The following NPAT variants were observed in gnomAD, a reference collection of about 807,000 sequenced individuals.
The protein encoded by NPAT is protein NPAT.
Under a neutral mutation model 130.7 loss-of-function variants are expected in NPAT, and 52 were observed. That is an observed-to-expected ratio of 0.40 (90% CI 0.32 to 0.50). The LOEUF is 0.50. Among genes scored for constraint, NPAT ranks in the 20% least tolerant of loss-of-function variants. The probability of loss-of-function intolerance (pLI) is 0.68; values close to 1 mark genes in which losing one functional copy is unlikely to be tolerated. For synonymous variants in NPAT, 580 were observed against 584.8 expected, an observed-to-expected ratio of 0.99 and a Z score of 0.12; for missense variants, 1,687 against 1,662.6, an observed-to-expected ratio of 1.01 and a Z score of -0.26.
At chr11:108,177,321 TTTATTA>T (rs968970260) in intron 10 of NPAT, among the ~76,000 whole-genome samples, 2 of 151,760 alleles carry the variant, frequency 1.3e-5, no homozygotes, top group Non-Finnish European at 2.9e-5. Flanking sequence ...CCCAGCTTAT[TTTATTA>T]TTATTATTAT....
chr11:108,184,026 T>TA (rs2078081289), intron 10 of NPAT, among the ~76,000 whole-genome samples: 1 of 151,704 alleles, frequency 6.6e-6, no homozygotes. Flanking sequence ...TCTTAAAACA[T>TA]AGACTGTTAT....
chr11:108,206,543 G>A (rs1001352132), intron 1 of NPAT, among the ~76,000 whole-genome samples: 2 of 152,144 alleles, frequency 1.3e-5, no homozygotes, highest in East Asian at 1.9e-4. Flanking sequence ...ACTGGGGAAC[G>A]TAGTGGCACC....
intron 10 of NPAT, among the ~76,000 whole-genome samples, chr11:108,178,179 A>G (rs1288701680): frequency 6.6e-6 from 1 of 152,126 alleles, no homozygotes; most frequent in Non-Finnish European, 1.5e-5. Flanking sequence ...TTATCTATTC[A>G]GCTTTAAAAG....
intron 2 of NPAT, among the ~76,000 whole-genome samples, chr11:108,194,355 C>G (rs1425859494): frequency 6.6e-6 from 1 of 152,178 alleles, no homozygotes; most frequent in Non-Finnish European, 1.5e-5. Context: ...AAAATAACTA[C>G]AGTGTCATAC....
At chr11:108,219,107 CTA>C (rs1366074510) in intron 1 of NPAT, among the ~76,000 whole-genome samples, 3 of 152,140 alleles carry the variant, frequency 2.0e-5, no homozygotes, top group Non-Finnish European at 4.4e-5. Context: ...AAGCTTGACT[CTA>C]TATAGGCAAT....
chr11:108,205,773 T>C lies in NPAT; in HGVS notation c.38-8353A>G, dbSNP rs564332225. ...ATAAAGCAGTATAGGTTAGGTGCAGTGGCTCATGCCTGTAATCCCAGCACT... is the reference window on the plus strand; with the variant it reads ...ATAAAGCAGTATAGGTTAGGTGCAGCGGCTCATGCCTGTAATCCCAGCACT... On this transcript the variant is annotated intron_variant, in intron 1 of 17. Coordinates refer to ENST00000278612, the MANE Select transcript of NPAT (RefSeq NM_002519.3). Among the ~76,000 whole-genome samples the C allele has an allele frequency of 3.3e-5, 5 of 152,328 alleles. No homozygotes were observed. In the East Asian group the frequency reaches 5.8e-4, roughly 18 times the overall value.
intron 1 of NPAT, among the ~76,000 whole-genome samples, chr11:108,216,230 T>C (rs1460539534): frequency 6.6e-6 from 1 of 152,306 alleles, no homozygotes; most frequent in Non-Finnish European, 1.5e-5. Context: ...CCTAGATGCC[T>C]TCAGTCACTT....
chr11:108,194,052 T>A, intron 2 of NPAT, 35 bp from the exon 3 acceptor site: 2 of 1,063,632 alleles, frequency 1.9e-6, no homozygotes, highest in Non-Finnish European at 2.9e-6. Context: ...ACCAAAATTG[T>A]ATAATACTAC....
intron 1 of NPAT, among the ~76,000 whole-genome samples, chr11:108,198,687 C>T (rs1347239036): frequency 6.6e-6 from 1 of 152,176 alleles, no homozygotes; most frequent in Non-Finnish European, 1.5e-5. Context: ...TCAGCCTGCA[C>T]TCTGAGCCCA....
At chr11:108,187,900 G>A (rs758481120) in intron 7 of NPAT, among the ~76,000 whole-genome samples, 198 bp downstream of exon 7, 38 of 152,072 alleles carry the variant, frequency 2.5e-4, no homozygotes, top group Non-Finnish European at 4.0e-4. Context: ...ACAGTGATAT[G>A]CCATTAATTG....
chr11:108,200,941 C>A (rs1010936207), intron 1 of NPAT, among the ~76,000 whole-genome samples: 1 of 152,218 alleles, frequency 6.6e-6, no homozygotes, highest in African/African-American at 2.4e-5. Flanking sequence ...AAGATCCATC[C>A]AACCAGACCA....
Position 108,173,748 on chromosome 11 carries a change from GTCT to G in NPAT, c.1233_1235del (p.Glu411del), listed in dbSNP as rs577458436. On this transcript the variant is annotated inframe_deletion, in exon 13 of 18. Coordinates refer to ENST00000278612, the MANE Select transcript of NPAT (RefSeq NM_002519.3). ...TACTTATTTGGGAAAAATTTTCCTGGTCTTCTTGTCTAAGCACATCATGGTTGT... is the reference window on the plus strand; with the variant it reads ...TACTTATTTGGGAAAAATTTTCCTGGTCTTGTCTAAGCACATCATGGTTGT... 6.8e-6 allele frequency: 11 copies of G among 1,613,886 alleles called. No homozygotes were observed. The highest frequency in any genetic ancestry group is 4.5e-5 in the East Asian group (2 of 44,878).
intron 2 of NPAT, among the ~76,000 whole-genome samples, chr11:108,194,431 C>G (rs1285061267): frequency 1.3e-5 from 2 of 152,214 alleles, no homozygotes; most frequent in African/African-American, 2.4e-5. Flanking sequence ...TCTTCTTCCT[C>G]ACACAGTGAG....
intron 11 of NPAT, among the ~76,000 whole-genome samples, chr11:108,176,666 G>C (rs2134843306): frequency 6.6e-6 from 1 of 150,546 alleles, no homozygotes; most frequent in East Asian, 1.9e-4. Flanking sequence ...TCATAAGATT[G>C]AGGACAATGG....
At chr11:108,182,514 C>G (rs2134852097) in intron 10 of NPAT, among the ~76,000 whole-genome samples, 1 of 152,268 alleles carries the variant, frequency 6.6e-6, no homozygotes, top group East Asian at 1.9e-4. Context: ...CTTTTTAGTT[C>G]TGAAACGGAG....
intron 1 of NPAT, among the ~76,000 whole-genome samples, chr11:108,219,760 A>T (rs2078466894): frequency 6.8e-6 from 1 of 146,738 alleles, no homozygotes; most frequent in South Asian, 2.2e-4. Context: ...CAACAACAAC[A>T]AACTCATTGT....
chr11:108,195,289 T>G lies in NPAT; in HGVS notation c.157-1272A>C, dbSNP rs187699864. On this transcript the variant is annotated intron_variant, in intron 2 of 17. Coordinates refer to ENST00000278612, the MANE Select transcript of NPAT (RefSeq NM_002519.3). The stretch of plus-strand genomic sequence containing the variant: ...GTCAAACTGTTTTCAAAAGCCACTG[T>G]ATGACTTTTAATTCTTACCAGTAAG... Among the ~76,000 whole-genome samples, 269 of 152,366 alleles carry G rather than the reference T, an allele frequency of 1.8e-3. 2 individuals carry two copies. Among genetic ancestry groups the G allele is most frequent in the African/African-American group, 6.2e-3 (259 of 41,592 alleles).
chr11:108,179,620 G>T (rs2078041092), intron 10 of NPAT, among the ~76,000 whole-genome samples: 1 of 152,124 alleles, frequency 6.6e-6, no homozygotes. Flanking sequence ...CATAAGGAAG[G>T]GTGGCTTATC....
intron 17 of NPAT, among the ~76,000 whole-genome samples, chr11:108,160,556 G>T (rs1181355689): frequency 1.7e-5 from 2 of 119,276 alleles, no homozygotes; most frequent in African/African-American, 5.2e-5. Context: ...AAGAAAGAAA[G>T]AAAAACTTTT....
Sources: gnomAD v4.1 joint callset for allele counts (sites outside exome capture counted in the v4.1 genomes callset) on GRCh38, gnomAD v4.1.1 for gene constraint, MANE v1.5 for transcripts, NCBI Gene and HGNC (gene_info 2026-07-23, HGNC 2026-07-21) for gene names.